The following GPC6 variants were observed in gnomAD, a reference collection of about 807,000 sequenced individuals.
GPC6 encodes glypican 6, also known as glypican-6.
Under a neutral mutation model 55.2 loss-of-function variants are expected in GPC6, and 14 were observed. That is an observed-to-expected ratio of 0.25 (90% CI 0.17 to 0.40). The LOEUF (loss-of-function observed/expected upper bound fraction) is 0.40. Among genes scored for constraint, GPC6 ranks in the 10% least tolerant of loss-of-function variants. The pLI is 1.00. For missense variants in GPC6, 641 were observed against 708.5 expected (o/e 0.90, Z 1.08); for synonymous variants, 278 against 259.6 (o/e 1.07, Z -0.68).
At chr13:93,581,073 C>T (rs1012164003) in intron 2 of GPC6, among the ~76,000 whole-genome samples, 3 of 151,954 alleles carry the variant, frequency 2.0e-5, no homozygotes, top group Non-Finnish European at 2.9e-5. Flanking sequence ...AAAATATAAC[C>T]GCTTTTTAAA....
intron 4 of GPC6, among the ~76,000 whole-genome samples, chr13:94,247,417 C>T (rs554226207): frequency 5.9e-5 from 9 of 152,082 alleles, no homozygotes; most frequent in Non-Finnish European, 4.4e-5. Flanking sequence ...GGCATCCTGG[C>T]CTTGTACCTG....
chr13:93,389,528 A>G (rs1408212), intron 1 of GPC6, among the ~76,000 whole-genome samples: 9,698 of 150,348 alleles, frequency 0.065, 396 homozygotes, highest in African/African-American at 0.099. Flanking sequence ...AATTATATAT[A>G]CTGTGTATAA....
At chr13:93,503,158 ATCATC>A (rs1880584093) in intron 1 of GPC6, among the ~76,000 whole-genome samples, 2 of 150,020 alleles carry the variant, frequency 1.3e-5, no homozygotes, top group African/African-American at 2.4e-5. Context: ...ATTCATGTAC[ATCATC>A]TCATTTAATG....
In GPC6 at chr13:93,300,891, T is replaced by G. The variant is rs1359980331; in HGVS notation, c.160+73275T>G. Among the ~76,000 whole-genome samples the G allele has an allele frequency of 2.0e-5, 3 of 152,028 alleles. No homozygotes were observed. The East Asian group carries it at 5.8e-4, about 30-fold the overall frequency. ...AAAATTATCCAGGTGTGGTGGCACATGCCTGTAATCCCAGCTACTTGGGAG... is the reference window on the plus strand; with the variant it reads ...AAAATTATCCAGGTGTGGTGGCACAGGCCTGTAATCCCAGCTACTTGGGAG... On this transcript the variant is annotated intron_variant, in intron 1 of 8. Transcript: ENST00000377047.
At chr13:93,542,035 C>G (rs1312360700) in intron 1 of GPC6, among the ~76,000 whole-genome samples, 1 of 152,074 alleles carries the variant, frequency 6.6e-6, no homozygotes, top group Non-Finnish European at 1.5e-5. Context: ...TAATTAGATC[C>G]CATTTGTCAA....
chr13:94,256,671 A>G (rs764198166), intron 4 of GPC6, among the ~76,000 whole-genome samples: 25 of 152,140 alleles, frequency 1.6e-4, no homozygotes, highest in Non-Finnish European at 3.2e-4. Context: ...CTTAGATTCT[A>G]TTCTACAGGA....
At chr13:93,619,972 G>A (rs1878881033) in intron 2 of GPC6, among the ~76,000 whole-genome samples, 1 of 151,944 alleles carries the variant, frequency 6.6e-6, no homozygotes. Flanking sequence ...CTATGTCTGT[G>A]ATACAGATCA....
chr13:94,173,965 T>C (rs1888660707), intron 4 of GPC6, among the ~76,000 whole-genome samples: 1 of 152,198 alleles, frequency 6.6e-6, no homozygotes, highest in South Asian at 2.1e-4. Context: ...TTGATTATCA[T>C]CTTGATTACC....
At chr13:94,197,971 G>A (rs1479233100) in intron 4 of GPC6, among the ~76,000 whole-genome samples, 2 of 152,168 alleles carry the variant, frequency 1.3e-5, no homozygotes, top group Non-Finnish European at 2.9e-5. Context: ...TTATGCAGAT[G>A]TCTTTGCAAG....
chr13:94,286,517 G>A, intron 5 of GPC6, 38 bp downstream of exon 5: 1 of 1,570,188 alleles, frequency 6.4e-7, no homozygotes, highest in Non-Finnish European at 8.8e-7. Context: ...ATACATGTAT[G>A]TTATACAGGT....
In GPC6 at chr13:94,145,819, T is replaced by C. The variant is rs143816808; in HGVS notation, c.877+117925T>C. The stretch of plus-strand genomic sequence containing the variant: ...AAGGGAACATGTGTTATGGTGAATG[T>C]ATAAACAAAAGGTTGAGTGAACATG... On this transcript the variant is annotated intron_variant, in intron 4 of 8. Coordinates refer to ENST00000377047, the MANE Select transcript of GPC6 (RefSeq NM_005708.5). Among the ~76,000 whole-genome samples, 391 of 152,230 alleles carry C rather than the reference T, an allele frequency of 2.6e-3. 1 individual carries two copies. The highest frequency in any genetic ancestry group is 6.2e-3 in the South Asian group (30 of 4,830).
chr13:93,399,377 C>G (rs531461755), intron 1 of GPC6, among the ~76,000 whole-genome samples: 11 of 152,288 alleles, frequency 7.2e-5, no homozygotes, highest in African/African-American at 2.2e-4. Flanking sequence ...TGATTTGTTT[C>G]CCCTATGACC....
intron 1 of GPC6, among the ~76,000 whole-genome samples, chr13:93,271,452 A>G (rs1877522261): frequency 6.6e-6 from 1 of 152,126 alleles, no homozygotes; most frequent in Non-Finnish European, 1.5e-5. Flanking sequence ...TTTGACTATC[A>G]AAATTACATC....
chr13:93,839,905 C>G (rs1019076935), intron 3 of GPC6, among the ~76,000 whole-genome samples: 4 of 152,202 alleles, frequency 2.6e-5, no homozygotes, highest in Admixed American at 2.0e-4. Flanking sequence ...CTATATTCAT[C>G]GAGGATATCA....
intron 3 of GPC6, among the ~76,000 whole-genome samples, chr13:93,857,187 T>C (rs1280075926): frequency 6.6e-6 from 1 of 151,512 alleles, no homozygotes; most frequent in Non-Finnish European, 1.5e-5. Context: ...TCACAATAAA[T>C]TGCAAACACA....
intron 7 of GPC6, 133 bp from the exon 8 acceptor site, chr13:94,398,333 G>T (rs1443567925): frequency 1.5e-6 from 1 of 685,620 alleles, no homozygotes; most frequent in Admixed American, 2.4e-5. Context: ...TTTTTTTCCA[G>T]GAACTAGATC....
At chr13:93,938,609 C>A (rs1466093107) in intron 3 of GPC6, among the ~76,000 whole-genome samples, 1 of 152,058 alleles carries the variant, frequency 6.6e-6, no homozygotes, top group Non-Finnish European at 1.5e-5. Flanking sequence ...AGAAAGACAA[C>A]AGAAAATTGA....
chr13:93,397,216 C>G (rs1349341843), intron 1 of GPC6, among the ~76,000 whole-genome samples: 3 of 152,160 alleles, frequency 2.0e-5, no homozygotes, highest in African/African-American at 7.2e-5. Context: ...ACATCCTGTA[C>G]AGTTCACACA....
At chr13:94,158,164 G>A (rs937042097) in intron 4 of GPC6, among the ~76,000 whole-genome samples, 1 of 152,028 alleles carries the variant, frequency 6.6e-6, no homozygotes, top group Non-Finnish European at 1.5e-5. Context: ...GAAATGATAC[G>A]CAACCTCTCC....
Sources: allele counts gnomAD v4.1 joint callset (sites outside exome capture counted in the v4.1 genomes callset), GRCh38; gene constraint gnomAD v4.1.1; transcripts MANE v1.5; gene names NCBI Gene and HGNC (gene_info 2026-07-23, HGNC 2026-07-21).